ZNF280D: variants seen among roughly 807,000 people sequenced by gnomAD.
The protein encoded by ZNF280D is zinc finger protein 280D.
In ZNF280D, 39 loss-of-function variants were observed where a neutral mutation model predicts 94.7. The ratio of observed to expected loss-of-function variants is 0.41; its 90% CI spans 0.32 to 0.54. ZNF280D has a LOEUF of 0.54. Ranked by LOEUF, ZNF280D falls within the 20% of genes least tolerant of loss-of-function variation. The pLI is 0.22. For missense variants in ZNF280D, 1,090 were observed against 1,149.3 expected (o/e 0.95, Z 0.75); for synonymous variants, 398 against 377.6 (o/e 1.05, Z -0.63).
At chr15:56,728,329 C>T (rs1473123078) in intron 1 of ZNF280D, among the ~76,000 whole-genome samples, 4 of 152,256 alleles carry the variant, frequency 2.6e-5, no homozygotes, top group Admixed American at 1.3e-4. Flanking sequence ...CTTGATACAA[C>T]GCTTAAGTGC....
chr15:56,678,838 A>G lies in ZNF280D; in HGVS notation c.1005-17T>C. The G allele has an allele frequency of 2.0e-6, 3 of 1,509,888 alleles. No individual in the cohort carries two copies. Among genetic ancestry groups the G allele is most frequent in the Non-Finnish European group, 2.7e-6 (3 of 1,126,376 alleles). 93.5% of individuals were successfully genotyped at this position (1,509,888 alleles called of 1,614,324 possible). On this transcript the variant is annotated splice_polypyrimidine_tract_variant and intron_variant, in intron 10 of 21. Coordinates refer to ENST00000267807, the MANE Select transcript of ZNF280D (RefSeq NM_017661.4). The stretch of plus-strand genomic sequence containing the variant: ...TTCATAAACCTATAAATGGTTGTCA[A>G]CAGGTGCAAAACTTGAGATTTAAAA...
chr15:56,700,794 G>A (rs1261548956), intron 6 of ZNF280D, 139 bp downstream of exon 6: 4 of 1,548,478 alleles, frequency 2.6e-6, no homozygotes, highest in Non-Finnish European at 3.5e-6. Context: ...CGAAAATATG[G>A]TGACATTTTC....
At chr15:56,688,786 G>T in intron 9 of ZNF280D, 1 of 204,920 alleles carries the variant, frequency 4.9e-6, no homozygotes, top group Non-Finnish European at 9.6e-6. Flanking sequence ...TAAAATAATC[G>T]GATTAATACA....
intron 1 of ZNF280D, among the ~76,000 whole-genome samples, chr15:56,724,684 G>T (rs1398783472): frequency 2.0e-5 from 3 of 152,162 alleles, no homozygotes; most frequent in African/African-American, 4.8e-5. Context: ...AGAAGTATTT[G>T]TTCTGATGAT....
chr15:56,690,139 T>C (rs769243293), intron 7 of ZNF280D, among the ~76,000 whole-genome samples: 1 of 152,044 alleles, frequency 6.6e-6, no homozygotes, highest in Non-Finnish European at 1.5e-5. Flanking sequence ...TCCCAGCACT[T>C]TGGGAGGCTG....
At chr15:56,651,016 T>C (rs1272159618) in intron 19 of ZNF280D, among the ~76,000 whole-genome samples, 1 of 151,882 alleles carries the variant, frequency 6.6e-6, no homozygotes, top group Non-Finnish European at 1.5e-5. Flanking sequence ...TCTAACATAT[T>C]ATATGTTTTA....
intron 16 of ZNF280D, among the ~76,000 whole-genome samples, chr15:56,660,019 G>A (rs1384585298): frequency 6.6e-6 from 1 of 151,920 alleles, no homozygotes; most frequent in Non-Finnish European, 1.5e-5. Context: ...AATATCCTCA[G>A]ATTTCTAATA....
At chr15:56,712,756 T>C (rs1165130429) in intron 1 of ZNF280D, among the ~76,000 whole-genome samples, 4 of 150,016 alleles carry the variant, frequency 2.7e-5, no homozygotes, top group African/African-American at 4.9e-5. Context: ...TTTTTTTTTT[T>C]CTGAGGTGGA....
chr15:56,730,658 T>C (rs1004854786), intron 1 of ZNF280D: 3 of 152,262 alleles, frequency 2.0e-5, no homozygotes, highest in Non-Finnish European at 4.4e-5. Context: ...TGACATCTAC[T>C]TTCTGCCTCC....
At chr15:56,651,170 G>T (rs927747509) in intron 19 of ZNF280D, among the ~76,000 whole-genome samples, 3 of 152,140 alleles carry the variant, frequency 2.0e-5, no homozygotes, top group Admixed American at 2.0e-4. Flanking sequence ...GCCCAAAGAG[G>T]CAAAGTGTTT....
intron 9 of ZNF280D, among the ~76,000 whole-genome samples, chr15:56,682,982 TTC>T (rs1307188337): frequency 7.9e-5 from 12 of 152,084 alleles, no homozygotes; most frequent in African/African-American, 2.9e-4. Context: ...GTGGATAATC[TTC>T]TGTCCCAAAT....
intron 1 of ZNF280D, among the ~76,000 whole-genome samples, chr15:56,708,878 A>C (rs1160056036): frequency 3.8e-4 from 58 of 152,246 alleles, no homozygotes; most frequent in African/African-American, 1.3e-3. Flanking sequence ...TAAAGACTTA[A>C]ATGTTAGACC....
At chr15:56,664,711 C>T (rs1358950187) in intron 16 of ZNF280D, among the ~76,000 whole-genome samples, 3 of 151,914 alleles carry the variant, frequency 2.0e-5, no homozygotes, top group African/African-American at 7.3e-5. Context: ...AAAATAAGAC[C>T]TAATCAGAAT....
At chr15:56,685,593 T>C (rs2055948922) in intron 9 of ZNF280D, among the ~76,000 whole-genome samples, 1 of 152,056 alleles carries the variant, frequency 6.6e-6, no homozygotes, top group Non-Finnish European at 1.5e-5. Context: ...TAAAATCAAG[T>C]AGCAAAAAAG....
At chr15:56,678,607 A>G in intron 11 of ZNF280D, 57 bp downstream of exon 11, 1 of 1,362,222 alleles carries the variant, frequency 7.3e-7, no homozygotes, top group Non-Finnish European at 9.6e-7. Flanking sequence ...AGGTTTTCTC[A>G]CAATTTATAT....
intron 12 of ZNF280D, among the ~76,000 whole-genome samples, 154 bp downstream of exon 12, chr15:56,677,420 A>G (rs556151831): frequency 4.6e-5 from 7 of 152,262 alleles, no homozygotes; most frequent in Non-Finnish European, 1.0e-4. Flanking sequence ...AAGCCTGTGG[A>G]CCAAACCCAG....
intron 1 of ZNF280D, among the ~76,000 whole-genome samples, chr15:56,711,926 T>G (rs759341796): frequency 2.6e-4 from 39 of 152,270 alleles, no homozygotes; most frequent in Middle Eastern, 3.4e-3. Context: ...TAAACCTGTA[T>G]AGCATGTTAC....
At chr15:56,700,574 G>T in intron 6 of ZNF280D, 5 of 1,116,200 alleles carry the variant, frequency 4.5e-6, no homozygotes, top group East Asian at 5.1e-5. Context: ...AGCTATGATG[G>T]TCACTTGACT....
chr15:56,700,886 C>T, intron 6 of ZNF280D, 47 bp downstream of exon 6: 2 of 1,613,526 alleles, frequency 1.2e-6, no homozygotes, highest in Non-Finnish European at 1.7e-6. Context: ...TGATAAACAA[C>T]ATCCAATGGA....
Sources: allele counts gnomAD v4.1 joint callset (sites outside exome capture counted in the v4.1 genomes callset), GRCh38; gene constraint gnomAD v4.1.1; transcripts MANE v1.5; gene names NCBI Gene and HGNC (gene_info 2026-07-23, HGNC 2026-07-21).